TSPAN15: variants seen among roughly 807,000 people sequenced by gnomAD.
TSPAN15 encodes tetraspanin 15.
In TSPAN15, 20 loss-of-function variants were observed where a neutral mutation model predicts 34.5. The observed-to-expected ratio is 0.58, with a 90% CI of 0.41 to 0.84. The LOEUF (loss-of-function observed/expected upper bound fraction) is 0.84. Ranked by LOEUF, TSPAN15 falls within the 40% of genes least tolerant of loss-of-function variation. The pLI is 0.00. For missense variants in TSPAN15, 313 were observed against 386.1 expected (o/e 0.81, Z 1.59); for synonymous variants, 155 against 153.9 (o/e 1.01, Z -0.05).
At chr10:69,485,058 T>C in intron 2 of TSPAN15, 83 bp from the exon 3 acceptor site, 2 of 1,322,830 alleles carry the variant, frequency 1.5e-6, no homozygotes, top group Non-Finnish European at 2.2e-6. Context: ...TTGTGCTTGC[T>C]CTTGGAGCAG....
At chr10:69,488,317 A>G (rs1262239481) in intron 3 of TSPAN15, among the ~76,000 whole-genome samples, 2 of 152,188 alleles carry the variant, frequency 1.3e-5, no homozygotes, top group Non-Finnish European at 2.9e-5. Flanking sequence ...GATGGTAGGA[A>G]GGGCAGTGTA....
intron 3 of TSPAN15, among the ~76,000 whole-genome samples, chr10:69,486,966 C>G (rs958775129): frequency 1.3e-5 from 2 of 152,132 alleles, no homozygotes; most frequent in African/African-American, 2.4e-5. Flanking sequence ...GCTGGCAGAT[C>G]CAGCATGCTG....
At chr10:69,546,150 A>G in the TSPAN15 span, among the ~76,000 whole-genome samples, 4 of 151,394 alleles carry the variant, frequency 2.6e-5, no homozygotes, top group Non-Finnish European at 5.9e-5. Flanking sequence ...CCAGAACTCC[A>G]CTCTCTTCCT....
the TSPAN15 span, among the ~76,000 whole-genome samples, chr10:69,534,422 T>C: frequency 2.0e-5 from 3 of 152,314 alleles, no homozygotes; most frequent in Admixed American, 2.0e-4. Flanking sequence ...TATGATCTGA[T>C]TGTGTAATTA....
At chr10:69,502,228 C>A (rs997829051) in intron 5 of TSPAN15, among the ~76,000 whole-genome samples, 1 of 152,168 alleles carries the variant, frequency 6.6e-6, no homozygotes, top group African/African-American at 2.4e-5. Flanking sequence ...AGGATTTGAG[C>A]CATAGAAGTT....
the TSPAN15 span, chr10:69,523,281 A>C: frequency 2.6e-6 from 1 of 386,340 alleles, no homozygotes; most frequent in Non-Finnish European, 4.7e-6. Flanking sequence ...ATTGCCCCCA[A>C]AACCCAGTAA....
chr10:69,462,567 C>T (rs187701951), intron 1 of TSPAN15, among the ~76,000 whole-genome samples: 14 of 151,278 alleles, frequency 9.3e-5, no homozygotes, highest in Non-Finnish European at 1.8e-4. Flanking sequence ...GATCTTCTGA[C>T]CTCGTGATCC....
chr10:69,470,678 G>A (rs1428386393), intron 1 of TSPAN15, among the ~76,000 whole-genome samples: 1 of 152,120 alleles, frequency 6.6e-6, no homozygotes, highest in Non-Finnish European at 1.5e-5. Flanking sequence ...CTCAAGCCCA[G>A]GAGTCCGAGA....
chr10:69,497,761 G>A (rs983801190), intron 4 of TSPAN15, among the ~76,000 whole-genome samples: 4 of 152,174 alleles, frequency 2.6e-5, no homozygotes, highest in Admixed American at 2.6e-4. Context: ...GGGGAGGCAG[G>A]GAGGGGCTCG....
At chr10:69,476,727 G>T (rs1407930249) in intron 1 of TSPAN15, among the ~76,000 whole-genome samples, 1 of 152,136 alleles carries the variant, frequency 6.6e-6, no homozygotes, top group Non-Finnish European at 1.5e-5. Flanking sequence ...TAGTGACAAA[G>T]ACAAGTGAAT....
chr10:69,493,998 G>T (rs948691728), intron 3 of TSPAN15, among the ~76,000 whole-genome samples: 3 of 152,198 alleles, frequency 2.0e-5, no homozygotes, highest in African/African-American at 7.2e-5. Context: ...CTCTTTTCCT[G>T]ATCCTGGAGA....
intron 5 of TSPAN15, among the ~76,000 whole-genome samples, chr10:69,502,475 C>T: frequency 6.6e-6 from 1 of 152,198 alleles, no homozygotes; most frequent in East Asian, 1.9e-4. Context: ...AGGATGCACA[C>T]ACAAACATTG....
At chr10:69,514,645 C>T in the TSPAN15 span, among the ~76,000 whole-genome samples, 2,945 of 152,218 alleles carry the variant, frequency 0.019, 100 homozygotes, top group African/African-American at 0.068. Context: ...CATAACACTC[C>T]CTTATTATTC....
the TSPAN15 span, among the ~76,000 whole-genome samples, chr10:69,530,820 CTA>C: frequency 0.025 from 777 of 30,512 alleles, 3 homozygotes; most frequent in Non-Finnish European, 0.029. Flanking sequence ...CTCTCTCTCT[CTA>C]TATATATATA....
At chr10:69,481,453 T>G (rs894177851) in intron 1 of TSPAN15, among the ~76,000 whole-genome samples, 33 of 152,378 alleles carry the variant, frequency 2.2e-4, no homozygotes, top group African/African-American at 7.7e-4. Flanking sequence ...GCATAAGCTC[T>G]GTCTGCTTAT....
chr10:69,521,098 T>C, the TSPAN15 span, among the ~76,000 whole-genome samples: 4 of 152,080 alleles, frequency 2.6e-5, no homozygotes, highest in Non-Finnish European at 5.9e-5. Flanking sequence ...TTTCTGAGTG[T>C]GTCTGTGAGT....
chr10:69,472,986 C>T (rs1340981682), intron 1 of TSPAN15, among the ~76,000 whole-genome samples: 3 of 152,170 alleles, frequency 2.0e-5, no homozygotes, highest in Non-Finnish European at 2.9e-5. Context: ...GCCACCATGT[C>T]CTGTATGCTG....
intron 1 of TSPAN15, among the ~76,000 whole-genome samples, chr10:69,472,486 C>T: frequency 6.6e-6 from 1 of 152,192 alleles, no homozygotes; most frequent in Non-Finnish European, 1.5e-5. Flanking sequence ...CCAGACAGAG[C>T]TCCTTGAGGA....
the TSPAN15 span, among the ~76,000 whole-genome samples, chr10:69,520,449 G>C: frequency 6.6e-6 from 1 of 152,178 alleles, no homozygotes. Flanking sequence ...CTTGAGTCCA[G>C]GAGTTTGAGA....
Sources: gnomAD v4.1 joint callset for allele counts (sites outside exome capture counted in the v4.1 genomes callset) on GRCh38, gnomAD v4.1.1 for gene constraint, MANE v1.5 for transcripts, NCBI Gene and HGNC (gene_info 2026-07-23, HGNC 2026-07-21) for gene names.